The following FAM241A variants were observed in gnomAD, a reference collection of about 807,000 sequenced individuals.
FAM241A encodes the protein family with sequence similarity 241 member A.
Under a neutral mutation model 12.2 loss-of-function variants are expected in FAM241A, and 7 were observed. The observed-to-expected ratio is 0.58, with a 90% confidence interval of 0.33 to 1.08. FAM241A has a LOEUF of 1.08. Among genes scored for constraint, FAM241A ranks in the 50% least tolerant of loss-of-function variants. The pLI is 0.04. For missense variants in FAM241A, 161 were observed against 169.7 expected, an observed-to-expected ratio of 0.95 and a Z score of 0.29; for synonymous variants, 74 against 68.2, an observed-to-expected ratio of 1.08 and a Z score of -0.42.
intron 1 of FAM241A, among the ~76,000 whole-genome samples, chr4:112,155,835 A>G (rs1298283401): frequency 2.0e-5 from 3 of 152,236 alleles, no homozygotes; most frequent in African/African-American, 7.2e-5. Flanking sequence ...AAAATACACT[A>G]AAAATTAGAG....
intron 1 of FAM241A, among the ~76,000 whole-genome samples, chr4:112,158,563 A>G (rs2110423010): frequency 6.6e-6 from 1 of 152,294 alleles, no homozygotes; most frequent in Non-Finnish European, 1.5e-5. Flanking sequence ...GTAGGGAAAG[A>G]GAGACAATGT....
intron 1 of FAM241A, among the ~76,000 whole-genome samples, chr4:112,165,858 ATTGT>A (rs1457233704): frequency 6.6e-6 from 1 of 152,206 alleles, no homozygotes; most frequent in African/African-American, 2.4e-5. Flanking sequence ...CAACAGAGTG[ATTGT>A]TGTCAAAATA....
chr4:112,192,318 T>C lies in FAM241A; in HGVS notation c.*5380T>C, dbSNP rs1724181795. ...TATTTTTTAATAGACCTTTATTTAC[T>C]ACATTTTAATTTTTTAATTTTTTTC... On this transcript the variant is annotated 3_prime_UTR_variant, in exon 2 of 2. Transcript: ENST00000309733. The C allele has an allele frequency of 6.6e-6, 1 of 152,084 alleles. No individual in the cohort carries two copies. Among genetic ancestry groups the C allele is most frequent in the Admixed American group, 6.6e-5 (1 of 15,258 alleles). The allele number at this position is 152,084 out of a possible 1,614,324, so 9.4% of individuals were successfully genotyped here.
In FAM241A at chr4:112,190,638, G is replaced by A. The variant is rs1291056846; in HGVS notation, c.*3700G>A. 6.6e-6 allele frequency: 1 copy of A among 150,680 alleles called. No homozygotes were observed. The highest frequency in any genetic ancestry group is 2.4e-5 in the African/African-American group (1 of 40,896). The allele number at this position is 150,680 out of a possible 1,614,324, so 9.3% of individuals were successfully genotyped here. On this transcript the variant is annotated 3_prime_UTR_variant, in exon 2 of 2. Transcript: ENST00000309733. ...CGCTTGAACCCGGAAGCCAAAGTTT[G>A]CAGTGAGCCAAGATTATGCCCTTGC... is the stretch of plus-strand genomic sequence containing the variant.
At chr4:112,173,507 A>T (rs1723763767) in intron 1 of FAM241A, among the ~76,000 whole-genome samples, 1 of 152,210 alleles carries the variant, frequency 6.6e-6, no homozygotes, top group African/African-American at 2.4e-5. Flanking sequence ...CTGCACAATG[A>T]TGGAAAATTG....
At chr4:112,175,007 C>A (rs191325930) in intron 1 of FAM241A, among the ~76,000 whole-genome samples, 1 of 152,226 alleles carries the variant, frequency 6.6e-6, no homozygotes, top group African/African-American at 2.4e-5. Flanking sequence ...CTACTAGTCC[C>A]TGGCTGAATG....
intron 1 of FAM241A, among the ~76,000 whole-genome samples, chr4:112,179,914 G>GACATATATATATATATGTATAT (rs1479640205): frequency 8.5e-6 from 1 of 117,770 alleles, no homozygotes; most frequent in Non-Finnish European, 1.7e-5. Context: ...AAGAAAATGT[G>GACATATATATATATATGTATAT]ATATATATAT....
chr4:112,175,923 A>T (rs1723811666), intron 1 of FAM241A, among the ~76,000 whole-genome samples: 1 of 152,202 alleles, frequency 6.6e-6, no homozygotes, highest in Non-Finnish European at 1.5e-5. Context: ...TAGACAGGCA[A>T]AAACAGCAGA....
At position 112,172,244 on chromosome 4, in the gene FAM241A, A is replaced by G. The variant is rs1723738675; in HGVS notation, c.154-14449A>G. On this transcript the variant is annotated intron_variant, in intron 1 of 1. Coordinates refer to ENST00000309733, the MANE Select transcript of FAM241A (RefSeq NM_152400.3). ...AAATTAATAAATGTGTCATGAAATA[A>G]GTTAAAAATTTCATTTAAACATTGC... Among the ~76,000 whole-genome samples the G allele has an allele frequency of 2.0e-5, 3 of 152,364 alleles. No individual in the cohort carries two copies. In the South Asian group the frequency reaches 6.2e-4, roughly 32 times the overall value.
intron 1 of FAM241A, 151 bp downstream of exon 1, chr4:112,145,884 G>A (rs573119444): frequency 1.1e-5 from 4 of 373,038 alleles, no homozygotes; most frequent in South Asian, 2.3e-4. Context: ...AGTCGTCGCC[G>A]GGAGCGGTTA....
rs543068381 is a variant in FAM241A at position 112,164,485 on chromosome 4, T to A, written c.153+18752T>A. On this transcript the variant is annotated intron_variant, in intron 1 of 1. Transcript: ENST00000309733. ...AGAGGGGAGGGATAGCATTAGGAGATACACCTAATGTAAATGACAAGTTAA... is the reference window on the plus strand; with the variant it reads ...AGAGGGGAGGGATAGCATTAGGAGAAACACCTAATGTAAATGACAAGTTAA... Among the ~76,000 whole-genome samples the A allele has an allele frequency of 6.0e-4, 81 of 134,628 alleles. 1 individual carries two copies. The highest frequency in any genetic ancestry group is 1.8e-5 in the Non-Finnish European group (1 of 57,132). 88.3% of individuals were successfully genotyped at this position (134,628 alleles called of 152,430 possible).
At chr4:112,159,305 C>G (rs1399299045) in intron 1 of FAM241A, among the ~76,000 whole-genome samples, 1 of 152,174 alleles carries the variant, frequency 6.6e-6, no homozygotes, top group Admixed American at 6.5e-5. Context: ...ATCCCCACTT[C>G]CAGTTCTCTA....
intron 1 of FAM241A, among the ~76,000 whole-genome samples, chr4:112,184,368 A>T (rs989389493): frequency 6.6e-6 from 1 of 152,190 alleles, no homozygotes; most frequent in African/African-American, 2.4e-5. Context: ...TGTCTCTAGT[A>T]AATACAAAAG....
intron 1 of FAM241A, among the ~76,000 whole-genome samples, chr4:112,169,810 A>T (rs1185722838): frequency 2.0e-5 from 3 of 152,208 alleles, no homozygotes; most frequent in Non-Finnish European, 4.4e-5. Context: ...GACTAAATAT[A>T]TAACTAATCC....
rs369676495 is a variant in FAM241A at position 112,180,638 on chromosome 4, T to C, written c.154-6055T>C. 4.6e-5 allele frequency among the ~76,000 whole-genome samples: 7 copies of C among 152,248 alleles called. No individual in the cohort carries two copies. The East Asian group carries it at 1.3e-3, about 29-fold the overall frequency. ...TGTGGTATAAAATTGCTATAAAAGT[T>C]TCTAAATTTAAAAAAAAAACTTTTT... On this transcript the variant is annotated intron_variant, in intron 1 of 1. Coordinates refer to ENST00000309733, the MANE Select transcript of FAM241A (RefSeq NM_152400.3).
Position 112,187,875 on chromosome 4 carries a change from A to G in FAM241A, c.*937A>G, listed in dbSNP as rs991248632. The G allele has an allele frequency of 6.6e-6, 1 of 151,912 alleles. No homozygotes were observed. The highest frequency in any genetic ancestry group is 1.5e-5 in the Non-Finnish European group (1 of 67,870). The allele number at this position is 151,912 out of a possible 1,614,324, so 9.4% of individuals were successfully genotyped here. ...ATGGATTTTTTCACAAAAAATTTGT[A>G]TTTTACTGTTGTTTTCAGGAAAAAA... On this transcript the variant is annotated 3_prime_UTR_variant, in exon 2 of 2. Transcript: ENST00000309733.
intron 1 of FAM241A, among the ~76,000 whole-genome samples, chr4:112,149,526 C>G (rs1249262787): frequency 6.6e-6 from 1 of 152,110 alleles, no homozygotes; most frequent in Non-Finnish European, 1.5e-5. Flanking sequence ...TAAACTTCTA[C>G]CCTGGTATAG....
chr4:112,164,119 TGG>T (rs1723542549), intron 1 of FAM241A, among the ~76,000 whole-genome samples: 2 of 91,582 alleles, frequency 2.2e-5, no homozygotes, highest in Admixed American at 1.3e-4. Context: ...TGTTGTGGGG[TGG>T]GGGGAAGGGG....
rs1724179491 is a variant in FAM241A at position 112,192,190 on chromosome 4, A to G, written c.*5252A>G. 1 of 152,212 alleles carries G rather than the reference A, an allele frequency of 6.6e-6. No individual in the cohort carries two copies. The highest frequency in any genetic ancestry group is 1.5e-5 in the Non-Finnish European group (1 of 68,038). 9.4% of individuals were successfully genotyped at this position (152,212 alleles called of 1,614,324 possible). The stretch of plus-strand genomic sequence containing the variant: ...CCACTATACACTTGTGTATTTTAGG[A>G]GAAAATGTATTTTCAATGTTTGGTT... On this transcript the variant is annotated 3_prime_UTR_variant, in exon 2 of 2. Transcript: ENST00000309733.
Sources: gnomAD v4.1 joint callset for allele counts (sites outside exome capture counted in the v4.1 genomes callset) on GRCh38, gnomAD v4.1.1 for gene constraint, MANE v1.5 for transcripts, NCBI Gene and HGNC (gene_info 2026-07-23, HGNC 2026-07-21) for gene names.